Variants in CSMD1 observed in about 807,000 individuals in gnomAD.
CSMD1 encodes CUB and Sushi multiple domains 1, also known as CUB and sushi domain-containing protein 1.
In CSMD1, 213 loss-of-function variants were observed where a neutral mutation model predicts 417.5. That is an observed-to-expected ratio of 0.51 (90% CI 0.46 to 0.57). The LOEUF (loss-of-function observed/expected upper bound fraction) is 0.57, where lower values mean the gene tolerates loss of function less well. Among genes scored for constraint, CSMD1 ranks in the 20% least tolerant of loss-of-function variants. The pLI, the probability that CSMD1 is intolerant of heterozygous loss-of-function variation, is 0.00. For missense variants in CSMD1, 6,923 were observed against 4,529.7 expected (o/e 1.53, Z -15.17); for synonymous variants, 2,862 against 1,736.8 (o/e 1.65, Z -16.11).
chr8:3,004,794 T>G (rs889121580), intron 52 of CSMD1, among the ~76,000 whole-genome samples: 1 of 152,200 alleles, frequency 6.6e-6, no homozygotes, highest in African/African-American at 2.4e-5. Context: ...TGAAATGGTC[T>G]GCTCCAGTGA....
intron 3 of CSMD1, among the ~76,000 whole-genome samples, chr8:4,061,324 C>A (rs747837394): frequency 1.3e-5 from 2 of 152,026 alleles, no homozygotes; most frequent in African/African-American, 2.4e-5. Context: ...TAACAAGGAA[C>A]CACTAAAAAT....
intron 5 of CSMD1, among the ~76,000 whole-genome samples, chr8:3,939,464 G>A (rs1214578701): frequency 1.3e-5 from 2 of 152,088 alleles, no homozygotes; most frequent in Admixed American, 6.6e-5. Context: ...ATTCCTTAAA[G>A]AACTAAAAGT....
At chr8:4,417,461 A>T (rs1316870533) in intron 3 of CSMD1, among the ~76,000 whole-genome samples, 2 of 152,050 alleles carry the variant, frequency 1.3e-5, no homozygotes, top group Non-Finnish European at 2.9e-5. Context: ...AATACATTTC[A>T]ATTAAAATTT....
chr8:4,150,875 C>A (rs1389670097), intron 3 of CSMD1, among the ~76,000 whole-genome samples: 3 of 67,434 alleles, frequency 4.4e-5, no homozygotes, highest in Non-Finnish European at 8.8e-5. Flanking sequence ...AAAAAATGTC[C>A]TGCTGAGAAA....
Position 3,605,401 on chromosome 8 carries a change from G to A in CSMD1, c.1097+11309C>T, listed in dbSNP as rs113868188. On this transcript the variant is annotated intron_variant, in intron 8 of 69. Coordinates refer to ENST00000635120, the MANE Select transcript of CSMD1 (RefSeq NM_033225.6). Reference sequence around the variant, plus strand: ...ACAAGAGACAGGTGCCTCTGCTCTCGCTGGAGTTGACCTACAATGGAGAAA... The same window carrying A: ...ACAAGAGACAGGTGCCTCTGCTCTCACTGGAGTTGACCTACAATGGAGAAA... Among the ~76,000 whole-genome samples the A allele has an allele frequency of 5.9e-3, 893 of 152,250 alleles. 7 individuals are homozygous for A. Among genetic ancestry groups the A allele is most frequent in the African/African-American group, 0.019 (769 of 41,556 alleles).
At chr8:4,200,958 A>G (rs1296545473) in intron 3 of CSMD1, among the ~76,000 whole-genome samples, 2 of 152,196 alleles carry the variant, frequency 1.3e-5, no homozygotes, top group African/African-American at 4.8e-5. Context: ...ACTAAATGTC[A>G]GAAAGTTGTC....
At chr8:3,174,049 G>A (rs1257153489) in intron 37 of CSMD1, among the ~76,000 whole-genome samples, 1 of 152,140 alleles carries the variant, frequency 6.6e-6, no homozygotes, top group Non-Finnish European at 1.5e-5. Context: ...TCATACATCA[G>A]TGAAAACAAG....
intron 5 of CSMD1, among the ~76,000 whole-genome samples, chr8:3,801,542 T>G (rs1300451292): frequency 6.6e-6 from 1 of 152,102 alleles, no homozygotes; most frequent in Non-Finnish European, 1.5e-5. Context: ...ATGTTAGAGA[T>G]ATGCTGGAAG....
chr8:3,729,611 T>A (rs1244225659), intron 6 of CSMD1, among the ~76,000 whole-genome samples: 1 of 151,948 alleles, frequency 6.6e-6, no homozygotes, highest in African/African-American at 2.4e-5. Context: ...CATTAGCAGA[T>A]CTTAGTGTGG....
chr8:3,319,580 C>T (rs892122387), intron 23 of CSMD1, among the ~76,000 whole-genome samples: 21 of 152,082 alleles, frequency 1.4e-4, no homozygotes, highest in Non-Finnish European at 2.9e-4. Context: ...AACACTTCCG[C>T]ACACATTCAA....
intron 2 of CSMD1, among the ~76,000 whole-genome samples, chr8:4,547,699 G>C (rs943687804): frequency 6.6e-6 from 1 of 152,254 alleles, no homozygotes; most frequent in South Asian, 2.1e-4. Context: ...AAATTAAAAA[G>C]TCTCTTATCT....
chr8:3,575,516 T>C (rs1481772792), intron 9 of CSMD1, among the ~76,000 whole-genome samples: 3 of 152,186 alleles, frequency 2.0e-5, no homozygotes, highest in Non-Finnish European at 4.4e-5. Flanking sequence ...CCATCTCAGC[T>C]ACGTCTTACA....
At chr8:4,452,067 G>T (rs1210695103) in intron 2 of CSMD1, among the ~76,000 whole-genome samples, 2 of 152,080 alleles carry the variant, frequency 1.3e-5, no homozygotes, top group African/African-American at 4.8e-5. Flanking sequence ...TTAGGGGCCA[G>T]AATGATCTCC....
chr8:4,368,451 C>G (rs373572888), intron 3 of CSMD1, among the ~76,000 whole-genome samples: 1 of 152,060 alleles, frequency 6.6e-6, no homozygotes. Flanking sequence ...TGTGTCTCTA[C>G]CAGGGTTTTA....
At chr8:3,796,445 G>A (rs1344795666) in intron 5 of CSMD1, among the ~76,000 whole-genome samples, 3 of 130,406 alleles carry the variant, frequency 2.3e-5, no homozygotes, top group Non-Finnish European at 3.2e-5. Flanking sequence ...TATCTATCGT[G>A]TATAGATATA....
At chr8:3,734,580 G>A (rs774321425) in intron 6 of CSMD1, among the ~76,000 whole-genome samples, 1 of 152,054 alleles carries the variant, frequency 6.6e-6, no homozygotes, top group Non-Finnish European at 1.5e-5. Context: ...GCCTGGTGGC[G>A]GGCACCTATA....
At chr8:4,076,538 A>G (rs752280822) in intron 3 of CSMD1, among the ~76,000 whole-genome samples, 10 of 152,236 alleles carry the variant, frequency 6.6e-5, no homozygotes, top group Non-Finnish European at 1.3e-4. Flanking sequence ...AAAAACGAAT[A>G]CCTAAAACAC....
At chr8:4,597,681 G>A (rs975029343) in intron 2 of CSMD1, among the ~76,000 whole-genome samples, 3 of 152,184 alleles carry the variant, frequency 2.0e-5, no homozygotes, top group South Asian at 2.1e-4. Flanking sequence ...AAATGTTAAA[G>A]GATATTATTA....
At chr8:3,748,255 T>G (rs952933174) in intron 6 of CSMD1, among the ~76,000 whole-genome samples, 1 of 152,232 alleles carries the variant, frequency 6.6e-6, no homozygotes, top group Admixed American at 6.5e-5. Flanking sequence ...AAAACTATTT[T>G]TTTTCATGGA....
Sources: gnomAD v4.1 joint callset for allele counts (sites outside exome capture counted in the v4.1 genomes callset) on GRCh38, gnomAD v4.1.1 for gene constraint, MANE v1.5 for transcripts, NCBI Gene and HGNC (gene_info 2026-07-23, HGNC 2026-07-21) for gene names.